The following TTN variants were observed in gnomAD, a reference collection of about 807,000 sequenced individuals.
The protein encoded by TTN is connectin.
In TTN, 1,525 loss-of-function variants were observed where a neutral mutation model predicts 3,223.0. That is an observed-to-expected ratio of 0.47 (90% CI 0.45 to 0.49). The LOEUF is 0.49. Among genes scored for constraint, TTN ranks in the 20% least tolerant of loss-of-function variants. TTN has a pLI of 0.00. For synonymous variants in TTN, 14,094 were observed against 15,161.0 expected (o/e 0.93, Z 5.17); for missense variants, 40,786 against 43,424.0 (o/e 0.94, Z 5.40).
In TTN at chr2:178,795,723, A is replaced by AT. The variant is rs55978029; in HGVS notation, c.915-472dup. Among the ~76,000 whole-genome samples the AT allele has an allele frequency of 2.3e-3, 337 of 146,704 alleles. 1 individual carries two copies. Among genetic ancestry groups the AT allele is most frequent in the East Asian group, 0.012 (58 of 5,038 alleles). ...CACTCTTGACTAAGCAGCTTAAGCC[A>AT]TTTTTTTTTTTCCCCTGCAGGACTT... On this transcript the variant is annotated intron_variant, in intron 6 of 362. Coordinates refer to ENST00000589042, the MANE Select transcript of TTN (RefSeq NM_001267550.2).
intron 152 of TTN, among the ~76,000 whole-genome samples, chr2:178,673,117 C>CT (rs2067305907): frequency 6.6e-6 from 1 of 151,758 alleles, no homozygotes; most frequent in African/African-American, 2.4e-5. Context: ...AATCTAACTG[C>CT]TTAAGAGCAC....
In TTN at chr2:178,556,918, A is replaced by C. The variant is rs781427598; in HGVS notation, c.88236T>G (p.Ala29412=). The change falls in exon 330 of 363, where the codon GCT becomes GCG. Residue 29412 remains alanine, a synonymous_variant. Transcript: ENST00000589042. ...QNSQYEFRVF[A]RNAVGSISNP... is the part of the protein sequence containing the mutation. ...TGCTAATGGAACCAACAGCATTCCT[A>C]GCAAAGACACGGAATTCATACTGGG... is the stretch of plus-strand genomic sequence containing the variant. 3 of 1,613,836 alleles carry C rather than the reference A, an allele frequency of 1.9e-6. No homozygotes were observed. Among genetic ancestry groups the C allele is most frequent in the Non-Finnish European group, 2.5e-6 (3 of 1,179,812 alleles).
chr2:178,734,994 T>C lies in TTN; in HGVS notation c.14936-6A>G, dbSNP rs754498068. 1 of 1,538,858 alleles carries C rather than the reference T, an allele frequency of 6.5e-7. No individual in the cohort carries two copies. ...CTTCACGAAGGATGGTGGCTCTACA[T>C]GAAGTTTACAAAAAAGAAAAAGGAG... On this transcript the variant is annotated splice_polypyrimidine_tract_variant and splice_region_variant and intron_variant, in intron 50 of 362. Transcript: ENST00000589042.
rs952474808 is a variant in TTN at position 178,731,728 on chromosome 2, C to T, written c.17147G>A (p.Gly5716Asp). The T allele has an allele frequency of 5.6e-6, 9 of 1,613,132 alleles. No homozygotes were observed. Among genetic ancestry groups the T allele is most frequent in the Non-Finnish European group, 6.8e-6 (8 of 1,179,254 alleles). ...CACCCTGGCACTGCAGATGCTGCTG[C>T]CCACCTCATTGGTCACCCGACACTG... ...EYQCRVTNEV[G>D]SSICSARVTL... The change falls in exon 58 of 363, where the codon GGC (glycine) becomes GAC (aspartate). Residue 5716 changes from glycine to aspartate, a missense_variant. Transcript: ENST00000589042.
intron 162 of TTN, 53 bp downstream of exon 162, chr2:178,667,183 G>A (rs1174514217): frequency 2.1e-6 from 3 of 1,420,610 alleles, no homozygotes; most frequent in Non-Finnish European, 2.9e-6. Context: ...ATATTTTGCA[G>A]ACTGAAGACA....
Position 178,799,669 on chromosome 2 carries a change from G to A in TTN, c.732C>T (p.Ala244=), listed in dbSNP as rs761859812. Reference sequence around the variant, plus strand: ...TTTTATGTGGCAGCTGTTGCCCAGCGGCACCATCTATGACCATCTCAACTG... The same window carrying A: ...TTTTATGTGGCAGCTGTTGCCCAGCAGCACCATCTATGACCATCTCAACTG... ...IATVEMVIDG[A]AGQQLPHKTP... is the part of the protein sequence containing the mutation. Residue 244 remains alanine, a synonymous_variant, in exon 6 of 363, where the codon GCC becomes GCT. Transcript: ENST00000589042. 37 of 1,614,000 alleles carry A rather than the reference G, an allele frequency of 2.3e-5. No homozygotes were observed. The highest frequency in any genetic ancestry group is 5.5e-5 in the South Asian group (5 of 91,084).
chr2:178,580,935 T>C, intron 316 of TTN: 1 of 248,750 alleles, frequency 4.0e-6, no homozygotes, highest in South Asian at 7.8e-5. Flanking sequence ...ATTCTTGTTT[T>C]TTCCTTTCTA....
rs776113871 is a variant in TTN at position 178,572,373 on chromosome 2, A to T, written c.73759T>A (p.Cys24587Ser). ...GCGAGAACCCTGAAATAGTAGCTAC[A>T]GCCTTCTTGAAGCTGGTCTACCTTC... is the stretch of plus-strand genomic sequence containing the variant. Reference protein sequence around the residue: ...SWKVDQLQEGCSYYFRVLAEN... With the variant: ...SWKVDQLQEGSSYYFRVLAEN... Residue 24587 changes from cysteine (C) to serine (S), a missense_variant, in exon 326 of 363, where the codon TGT becomes AGT. Coordinates refer to ENST00000589042, the MANE Select transcript of TTN (RefSeq NM_001267550.2). The T allele has an allele frequency of 6.2e-7, 1 of 1,612,952 alleles. No homozygotes were observed. Among genetic ancestry groups the T allele is most frequent in the Non-Finnish European group, 8.5e-7 (1 of 1,179,276 alleles).
intron 47 of TTN, chr2:178,748,198 G>C: frequency 6.2e-7 from 1 of 1,613,012 alleles, no homozygotes; most frequent in Non-Finnish European, 8.5e-7. Flanking sequence ...TTGGAAGTAG[G>C]GCACATGATT....
At position 178,669,457 on chromosome 2, in the gene TTN, T is replaced by C. The variant is rs780849590; in HGVS notation, c.35471-10A>G. On this transcript the variant is annotated splice_polypyrimidine_tract_variant and intron_variant, in intron 158 of 362. Transcript: ENST00000589042. ...TTAGGCATCCCAGGAACTTTAAAGA[T>C]ATTAGTATATTAATTGTTACAGATA... is the stretch of plus-strand genomic sequence containing the variant. 1.9e-5 allele frequency: 30 copies of C among 1,548,680 alleles called. No individual in the cohort carries two copies. The East Asian group carries it at 5.5e-4, about 29-fold the overall frequency.
chr2:178,763,235 G>A (rs1194018891), intron 43 of TTN, among the ~76,000 whole-genome samples: 2 of 152,172 alleles, frequency 1.3e-5, no homozygotes, highest in African/African-American at 2.4e-5. Context: ...ATTCTACCAA[G>A]ATCAGATTCC....
chr2:178,679,867 C>T, intron 140 of TTN, 27 bp downstream of exon 140: 1 of 1,610,616 alleles, frequency 6.2e-7, no homozygotes. Flanking sequence ...TGCTGTTGCA[C>T]AGCCCTTTGC....
chr2:178,750,599 G>C (rs765947828), intron 47 of TTN: 12 of 1,612,346 alleles, frequency 7.4e-6, no homozygotes, highest in Non-Finnish European at 1.0e-5. Flanking sequence ...TTTTCGAAAA[G>C]AATTTTCAAA....
chr2:178,707,737 G>A lies in TTN; in HGVS notation c.28830C>T (p.Ser9610=), dbSNP rs746370521. The A allele has an allele frequency of 6.2e-7, 1 of 1,613,956 alleles. No individual in the cohort carries two copies. The highest frequency in any genetic ancestry group is 8.5e-7 in the Non-Finnish European group (1 of 1,179,836). ...TTGGCTCAGATCCCTGGACATGGCA[G>A]CTGAGCTGCACGTATTCTCCTTCAC... ...TVSEGEYVQL[S]CHVQGSEPIR... is the part of the protein sequence containing the mutation. Residue 9610 remains serine (S), a synonymous_variant, in exon 100 of 363, where the codon AGC becomes AGT. Transcript: ENST00000589042.
In TTN at chr2:178,688,699, T is replaced by C; in HGVS notation, c.32175A>G (p.Arg10725=). Residue 10725 remains arginine (R), a synonymous_variant, in exon 126 of 363, where the codon AGA becomes AGG. Transcript: ENST00000589042. The part of the protein sequence containing the change: ...EEKLSFAVPQ[R]VEVTRHEVSA... ...TACCTTCGTGCCGCGTGACTTCCAC[T>C]CTTTGAGGAACTGCGAAGGATAGTT... The C allele has an allele frequency of 6.2e-7, 1 of 1,613,702 alleles. No individual in the cohort carries two copies. The highest frequency in any genetic ancestry group is 8.5e-7 in the Non-Finnish European group (1 of 1,179,604).
intron 156 of TTN, among the ~76,000 whole-genome samples, chr2:178,670,702 C>A (rs921514659): frequency 6.6e-6 from 1 of 151,762 alleles, no homozygotes; most frequent in African/African-American, 2.4e-5. Flanking sequence ...CAAAAATGAA[C>A]AAAGCAAGAA....
chr2:178,574,249 A>G lies in TTN; in HGVS notation c.71883T>C (p.Val23961=), dbSNP rs368692510. Residue 23961 remains valine, a synonymous_variant, in exon 326 of 363, where the codon GTT becomes GTC. Transcript: ENST00000589042. The part of the protein sequence containing the change: ...TGGFKITSYI[V]EKRDLPNGRW... ...GTCCATTAGGAAGGTCTCTCTTTTC[A>G]ACGATATAACTGGTAATTTTAAAGC... The G allele has an allele frequency of 1.9e-4, 305 of 1,612,890 alleles. No individual in the cohort carries two copies. The highest frequency in any genetic ancestry group is 2.3e-4 in the Non-Finnish European group (276 of 1,179,160).
At position 178,775,605 on chromosome 2, in the gene TTN, G is replaced by A. The variant is rs2154345795; in HGVS notation, c.6259C>T (p.Gln2087Ter). 1 of 1,614,062 alleles carries A rather than the reference G, an allele frequency of 6.2e-7. No homozygotes were observed. Among genetic ancestry groups the A allele is most frequent in the Non-Finnish European group, 8.5e-7 (1 of 1,179,990 alleles). The change falls in exon 28 of 363, where the codon CAA (glutamine) becomes TAA (stop). Residue 2087 changes from glutamine to a stop codon, truncating the protein, a stop_gained. Transcript: ENST00000589042. LOFTEE classifies it high-confidence loss of function. ...APKIFERIQS[Q>*]TVGQGSDAHF... is the part of the protein sequence containing the mutation. Reference sequence around the variant, plus strand: ...GCATCAGATCCTTGGCCCACTGTTTGGCTCTGGATTCTTTCGAAGATTTTT... The same window carrying A: ...GCATCAGATCCTTGGCCCACTGTTTAGCTCTGGATTCTTTCGAAGATTTTT...
chr2:178,755,382 T>G (rs1054744478), intron 46 of TTN, among the ~76,000 whole-genome samples: 4 of 152,134 alleles, frequency 2.6e-5, no homozygotes, highest in African/African-American at 9.7e-5. Flanking sequence ...ATCTAGAGAC[T>G]TCTAATTTTG....
Sources: allele counts gnomAD v4.1 joint callset (sites outside exome capture counted in the v4.1 genomes callset), GRCh38; gene constraint gnomAD v4.1.1; transcripts MANE v1.5; gene names NCBI Gene and HGNC (gene_info 2026-07-23, HGNC 2026-07-21).